The following TTC39C variants were observed in gnomAD, a reference collection of about 807,000 sequenced individuals.
TTC39C encodes the protein tetratricopeptide repeat domain 39C, also known as tetratricopeptide repeat protein 39C.
TTC39C carries 33 observed loss-of-function variants against 76.3 expected under a neutral mutation model. The ratio of observed to expected loss-of-function variants is 0.43; its 90% CI spans 0.33 to 0.58. The LOEUF (loss-of-function observed/expected upper bound fraction) is 0.58, where lower values mean the gene tolerates loss of function less well. TTC39C is among the 20% of genes least tolerant of loss of function. The pLI, the probability that TTC39C is intolerant of heterozygous loss-of-function variation, is 0.04. For synonymous variants in TTC39C, 254 were observed against 260.6 expected (o/e 0.97, Z 0.24); for missense variants, 595 against 701.4 (o/e 0.85, Z 1.71).
chr18:24,015,130 C>T (rs1450491792), intron 1 of TTC39C, 92 bp downstream of exon 1: 7 of 1,219,952 alleles, frequency 5.7e-6, no homozygotes, highest in Non-Finnish European at 6.5e-6. Context: ...GAGCCCCCTC[C>T]CCCTCCTGTC....
chr18:24,004,779 C>G (rs1409233597), intron 1 of TTC39C, among the ~76,000 whole-genome samples: 1 of 152,090 alleles, frequency 6.6e-6, no homozygotes, highest in African/African-American at 2.4e-5. Flanking sequence ...TGCAATATTT[C>G]TCAAACATAT....
At position 24,134,165 on chromosome 18, in the gene TTC39C, AAGAG is replaced by A. The variant is rs1053516935; in HGVS notation, c.*1595_*1598del. 1 of 154,210 alleles carries A rather than the reference AAGAG, an allele frequency of 6.5e-6. No individual in the cohort carries two copies. Among genetic ancestry groups the A allele is most frequent in the Non-Finnish European group, 1.5e-5 (1 of 68,146 alleles). 9.6% of individuals were successfully genotyped at this position (154,210 alleles called of 1,614,324 possible). ...TTCCGTGTGGGTTTTAGATAATAGT[AAGAG>A]AGAAGAGATTGCTCTCCTATATTCA... On this transcript the variant is annotated 3_prime_UTR_variant, in exon 14 of 14. Coordinates refer to ENST00000317571, the MANE Select transcript of TTC39C (RefSeq NM_001135993.2).
At chr18:24,125,341 CTG>C in intron 9 of TTC39C, 84 bp from the exon 10 acceptor site, 1 of 1,517,340 alleles carries the variant, frequency 6.6e-7, no homozygotes, top group Non-Finnish European at 9.0e-7. Context: ...TGATGATGAA[CTG>C]TGTGCTTTTA....
intron 1 of TTC39C, among the ~76,000 whole-genome samples, chr18:24,048,501 A>G (rs1160495429): frequency 6.6e-6 from 1 of 152,258 alleles, no homozygotes; most frequent in Non-Finnish European, 1.5e-5. Flanking sequence ...TTATGCCTGT[A>G]TGAGTAGGAA....
intron 1 of TTC39C, among the ~76,000 whole-genome samples, chr18:24,021,448 A>T (rs1452699462): frequency 6.6e-6 from 1 of 151,458 alleles, no homozygotes; most frequent in African/African-American, 2.4e-5. Context: ...ATGTAAAATT[A>T]TTCATGCATT....
chr18:24,103,633 T>G (rs1460248989), intron 6 of TTC39C, among the ~76,000 whole-genome samples: 1 of 152,064 alleles, frequency 6.6e-6, no homozygotes, highest in Non-Finnish European at 1.5e-5. Flanking sequence ...CATTGGAGAG[T>G]CACTTTCTTA....
chr18:24,012,036 A>C (rs1487433), upstream of TTC39C, among the ~76,000 whole-genome samples: 89,267 of 151,988 alleles, frequency 0.59, 29,011 homozygotes, highest in Non-Finnish European at 0.75. Context: ...TTATAACCTG[A>C]CATTTTTATC....
Position 24,066,140 on chromosome 18 carries a change from C to T in TTC39C, c.345C>T (p.Asn115=), listed in dbSNP as rs61734884. The part of the protein sequence containing the change: ...IETIKNKIKK[N]VDVRKSAPSM... ...CAATCAAGAATAAAATTAAGAAGAA[C>T]GTAAGTATTGCGGCTTTAGGTTGTG... Residue 115 remains asparagine, a splice_region_variant and synonymous_variant, in exon 3 of 14, where the codon AAC becomes AAT. Transcript: ENST00000317571. 47 of 1,594,556 alleles carry T rather than the reference C, an allele frequency of 2.9e-5. 1 individual carries two copies. In the South Asian group the frequency reaches 4.0e-4, roughly 14 times the overall value.
intron 6 of TTC39C, among the ~76,000 whole-genome samples, chr18:24,098,296 G>A (rs891969591): frequency 3.3e-5 from 5 of 151,930 alleles, no homozygotes; most frequent in Non-Finnish European, 7.4e-5. Flanking sequence ...GTCCAGATGA[G>A]ATAAGTACTT....
At chr18:24,085,438 A>G (rs2084427374) in intron 6 of TTC39C, among the ~76,000 whole-genome samples, 1 of 152,232 alleles carries the variant, frequency 6.6e-6, no homozygotes, top group Non-Finnish European at 1.5e-5. Flanking sequence ...CTTTTGGTTA[A>G]GCTAATAAGT....
At chr18:24,091,018 G>A (rs1180441793) in intron 6 of TTC39C, among the ~76,000 whole-genome samples, 1 of 152,052 alleles carries the variant, frequency 6.6e-6, no homozygotes, top group Non-Finnish European at 1.5e-5. Flanking sequence ...CGTTGGCCAG[G>A]CTGTTTTCGA....
chr18:23,996,692 G>A (rs1443433634), intron 1 of TTC39C, among the ~76,000 whole-genome samples: 1 of 152,310 alleles, frequency 6.6e-6, no homozygotes, highest in Non-Finnish European at 1.5e-5. Context: ...TGAGGATGAG[G>A]CCTAGAAATC....
intron 1 of TTC39C, among the ~76,000 whole-genome samples, chr18:24,060,437 C>T (rs1352792228): frequency 2.6e-5 from 4 of 151,460 alleles, no homozygotes; most frequent in African/African-American, 9.7e-5. Context: ...CCTGCCTCAG[C>T]CTCCCAGGTA....
intron 1 of TTC39C, among the ~76,000 whole-genome samples, chr18:24,046,431 T>C (rs868648303): frequency 9.9e-5 from 15 of 151,896 alleles, no homozygotes; most frequent in Middle Eastern, 3.2e-3. Flanking sequence ...CATGAGGAAA[T>C]GCAAGTTGAG....
Position 24,064,145 on chromosome 18 carries a change from A to G in TTC39C, c.173A>G (p.His58Arg), listed in dbSNP as rs770703190. Residue 58 changes from histidine (H) to arginine (R), a missense_variant, in exon 2 of 14, where the codon CAT (histidine) becomes CGT (arginine). Transcript: ENST00000317571. Reference sequence around the variant, plus strand: ...TGTGTGTGTTTTTTTAACAGAAATCATAGCCCACTAATGAGTTTTGGAGCC... The same window carrying G: ...TGTGTGTGTTTTTTTAACAGAAATCGTAGCCCACTAATGAGTTTTGGAGCC... ...SDQLFKQYRN[H>R]SPLMSFGASF... The G allele has an allele frequency of 1.4e-5, 22 of 1,613,666 alleles. No homozygotes were observed. Among genetic ancestry groups the G allele is most frequent in the Non-Finnish European group, 1.4e-5 (17 of 1,179,878 alleles).
At chr18:24,101,424 C>G (rs560550456) in intron 6 of TTC39C, among the ~76,000 whole-genome samples, 10 of 151,946 alleles carry the variant, frequency 6.6e-5, no homozygotes, top group Non-Finnish European at 8.8e-5. Context: ...CTGGCCAACA[C>G]AGGGAAACCC....
At chr18:24,050,596 G>T (rs1221568695) in intron 1 of TTC39C, among the ~76,000 whole-genome samples, 1 of 150,542 alleles carries the variant, frequency 6.6e-6, no homozygotes, top group East Asian at 2.0e-4. Flanking sequence ...AGTGGGCCAG[G>T]CACAGTGGCT....
Position 24,131,020 on chromosome 18 carries a change from CAAAAAAAAAAAAAAAAAAA to C in TTC39C, c.1623+622_1623+640del, listed in dbSNP as rs59161044. On this transcript the variant is annotated intron_variant, in intron 12 of 13. Transcript: ENST00000317571. ...GCAACAAAGTGAAACCTCATCTCTG[CAAAAAAAAAAAAAAAAAAA>C]AAAAAAAAAAAAAAAAAATCAAAAA... Among the ~76,000 whole-genome samples the C allele has an allele frequency of 7.8e-3, 112 of 14,428 alleles. 1 individual carries two copies. In the South Asian group the frequency reaches 0.096, roughly 12 times the overall value. The allele number at this position is 14,428 out of a possible 152,430, so 9.5% of individuals were successfully genotyped here.
intron 3 of TTC39C, among the ~76,000 whole-genome samples, chr18:24,067,891 C>T (rs2084186644): frequency 6.6e-6 from 1 of 152,156 alleles, no homozygotes; most frequent in South Asian, 2.1e-4. Flanking sequence ...TTTCCTCTGC[C>T]TGGAACATTC....
Sources: gnomAD v4.1 joint callset for allele counts (sites outside exome capture counted in the v4.1 genomes callset) on GRCh38, gnomAD v4.1.1 for gene constraint, MANE v1.5 for transcripts, NCBI Gene and HGNC (gene_info 2026-07-23, HGNC 2026-07-21) for gene names.